The following CALN1 variants were observed in gnomAD, a reference collection of about 807,000 sequenced individuals.
CALN1 encodes the protein calneuron 1.
In CALN1, 17 loss-of-function variants were observed where a neutral mutation model predicts 30.6. The ratio of observed to expected loss-of-function variants is 0.56; its 90% CI spans 0.38 to 0.83. The LOEUF (loss-of-function observed/expected upper bound fraction) is 0.83, where lower values mean the gene tolerates loss of function less well. Ranked by LOEUF, CALN1 falls within the 40% of genes least tolerant of loss-of-function variation. The pLI, the probability that CALN1 is intolerant of heterozygous loss-of-function variation, is 0.00. For synonymous variants in CALN1, 156 were observed against 131.4 expected (o/e 1.19, Z -1.28); for missense variants, 291 against 354.9 (o/e 0.82, Z 1.45).
At chr7:71,984,509 C>G (rs1179694278) in intron 5 of CALN1, among the ~76,000 whole-genome samples, 1 of 152,136 alleles carries the variant, frequency 6.6e-6, no homozygotes, top group East Asian at 1.9e-4. Context: ...TAACTTGCCC[C>G]CACGCACTGG....
intron 6 of CALN1, among the ~76,000 whole-genome samples, chr7:71,788,192 G>C (rs1040568433): frequency 6.6e-6 from 1 of 152,172 alleles, no homozygotes; most frequent in African/African-American, 2.4e-5. Context: ...TGATAGAATA[G>C]AGCCAGAGTG....
At chr7:72,244,235 A>G (rs1795020649) in intron 3 of CALN1, among the ~76,000 whole-genome samples, 1 of 152,256 alleles carries the variant, frequency 6.6e-6, no homozygotes, top group African/African-American at 2.4e-5. Flanking sequence ...TGCCTGGCAT[A>G]TAGCAGATGT....
At chr7:72,209,532 C>T (rs895145791) in intron 3 of CALN1, among the ~76,000 whole-genome samples, 1 of 94,890 alleles carries the variant, frequency 1.1e-5, no homozygotes, top group Admixed American at 1.3e-4. Context: ...CCTTCCCTCC[C>T]TCTCTCCGCC....
chr7:71,895,175 A>T (rs1793466977), intron 5 of CALN1, among the ~76,000 whole-genome samples: 1 of 152,118 alleles, frequency 6.6e-6, no homozygotes, highest in African/African-American at 2.4e-5. Context: ...GGCTGGTCTC[A>T]AACTCCTGGG....
intron 4 of CALN1, among the ~76,000 whole-genome samples, chr7:72,105,533 G>A (rs1473559993): frequency 2.0e-5 from 3 of 151,564 alleles, no homozygotes; most frequent in African/African-American, 7.3e-5. Context: ...CAAGACCCTG[G>A]TCTTGGTCAA....
chr7:72,142,259 G>T (rs752484729), intron 3 of CALN1, among the ~76,000 whole-genome samples: 1 of 152,128 alleles, frequency 6.6e-6, no homozygotes, highest in Non-Finnish European at 1.5e-5. Context: ...CTGGAAAATC[G>T]GGTCACTCCC....
chr7:72,198,630 C>T (rs1022362718), intron 3 of CALN1, among the ~76,000 whole-genome samples: 1 of 152,100 alleles, frequency 6.6e-6, no homozygotes. Context: ...ATTCTACCTT[C>T]TACCAACTGT....
At chr7:71,971,669 AG>A (rs1797807028) in intron 5 of CALN1, among the ~76,000 whole-genome samples, 1 of 151,786 alleles carries the variant, frequency 6.6e-6, no homozygotes, top group Non-Finnish European at 1.5e-5. Flanking sequence ...AGGCCAACGC[AG>A]GGGGATCACT....
intron 2 of CALN1, among the ~76,000 whole-genome samples, chr7:72,398,735 C>G (rs535577130): frequency 6.6e-6 from 1 of 152,210 alleles, no homozygotes; most frequent in Non-Finnish European, 1.5e-5. Flanking sequence ...CTGGGGGACA[C>G]CCCATTATCC....
chr7:72,253,240 T>C (rs1585272892), intron 3 of CALN1, among the ~76,000 whole-genome samples: 1 of 152,234 alleles, frequency 6.6e-6, no homozygotes, highest in African/African-American at 2.4e-5. Flanking sequence ...ATGCAAATTT[T>C]TGATCATTTT....
In CALN1 at chr7:72,127,043, C is replaced by G. The variant is rs148140365; in HGVS notation, c.245-20749G>C. On this transcript the variant is annotated intron_variant, in intron 3 of 6. Coordinates refer to ENST00000395275, the MANE Select transcript of CALN1 (RefSeq NM_031468.4). ...TCCTTGGGCCTCCAAGGGTAAAAACCCAAAGGAGAGGAAGTAGTGTATTTA... is the reference window on the plus strand; with the variant it reads ...TCCTTGGGCCTCCAAGGGTAAAAACGCAAAGGAGAGGAAGTAGTGTATTTA... 8.6e-5 allele frequency among the ~76,000 whole-genome samples: 13 copies of G among 151,546 alleles called. No individual in the cohort carries two copies. The East Asian group carries it at 2.6e-3, about 30-fold the overall frequency.
intron 2 of CALN1, among the ~76,000 whole-genome samples, chr7:72,314,872 G>A (rs553075691): frequency 6.7e-6 from 1 of 150,200 alleles, no homozygotes; most frequent in Admixed American, 6.6e-5. Context: ...TATAGGCTGG[G>A]CACAGTGGCT....
At chr7:72,054,542 TAC>T (rs199835513) in intron 4 of CALN1, among the ~76,000 whole-genome samples, 23,703 of 129,396 alleles carry the variant, frequency 0.18, 3,342 homozygotes, top group East Asian at 0.35. Flanking sequence ...CATATATATA[TAC>T]ATATATATAT....
chr7:72,359,513 T>C (rs543857651), intron 2 of CALN1, among the ~76,000 whole-genome samples: 54 of 152,306 alleles, frequency 3.5e-4, no homozygotes, highest in African/African-American at 1.2e-3. Context: ...TTAGGTCACA[T>C]GTACATATAG....
chr7:72,346,929 T>A (rs1802674488), intron 2 of CALN1, among the ~76,000 whole-genome samples: 1 of 152,184 alleles, frequency 6.6e-6, no homozygotes, highest in Non-Finnish European at 1.5e-5. Context: ...TAGAAGAGAT[T>A]AGCGAACTTT....
At chr7:72,097,251 A>G (rs950223588) in intron 4 of CALN1, among the ~76,000 whole-genome samples, 1 of 152,250 alleles carries the variant, frequency 6.6e-6, no homozygotes, top group Non-Finnish European at 1.5e-5. Flanking sequence ...TGGCACGTGT[A>G]CACATACATA....
chr7:72,010,828 G>GAAAAGA (rs141596492), intron 5 of CALN1, among the ~76,000 whole-genome samples: 17 of 148,072 alleles, frequency 1.1e-4, no homozygotes, highest in African/African-American at 2.5e-4. Flanking sequence ...GAAAAGAAAA[G>GAAAAGA]AAAAGAAAAA....
chr7:72,265,411 G>A (rs184463107), intron 3 of CALN1, among the ~76,000 whole-genome samples: 2 of 152,202 alleles, frequency 1.3e-5, no homozygotes, highest in Admixed American at 1.3e-4. Context: ...ACCTGCTGCT[G>A]GCCAATTACT....
intron 4 of CALN1, among the ~76,000 whole-genome samples, chr7:72,053,047 T>A (rs1168408228): frequency 1.3e-5 from 2 of 152,164 alleles, no homozygotes; most frequent in Non-Finnish European, 2.9e-5. Flanking sequence ...CTGGCCAATA[T>A]GGTGAAACCC....
Sources: gnomAD v4.1 joint callset for allele counts (sites outside exome capture counted in the v4.1 genomes callset) on GRCh38, gnomAD v4.1.1 for gene constraint, MANE v1.5 for transcripts, NCBI Gene and HGNC (gene_info 2026-07-23, HGNC 2026-07-21) for gene names.